RAD51B: variants seen among roughly 807,000 people sequenced by gnomAD.
The protein encoded by RAD51B is RAD51 paralog B, also known as DNA repair protein RAD51 homolog 2.
RAD51B carries 38 observed loss-of-function variants against 42.2 expected under a neutral mutation model. That is an observed-to-expected ratio of 0.90 (90% confidence interval 0.70 to 1.18). The LOEUF is 1.18. Ranked by LOEUF, RAD51B falls within the 50% of genes most tolerant of loss-of-function variation. The pLI is 0.00. For synonymous variants in RAD51B, 154 were observed against 145.2 expected (o/e 1.06, Z -0.43); for missense variants, 373 against 400.7 (o/e 0.93, Z 0.59).
intron 10 of RAD51B, among the ~76,000 whole-genome samples, chr14:68,504,356 C>T (rs1454413053): frequency 2.0e-5 from 3 of 152,230 alleles, no homozygotes; most frequent in Non-Finnish European, 2.9e-5. Flanking sequence ...TATAAATCCC[C>T]TCTTTGTTCA....
chr14:68,264,229 A>T (rs1047470696), intron 7 of RAD51B, among the ~76,000 whole-genome samples: 3 of 152,220 alleles, frequency 2.0e-5, no homozygotes, highest in African/African-American at 7.2e-5. Flanking sequence ...GCTGGTACTC[A>T]GGGGTAGGGT....
chr14:68,511,352 T>A (rs1661600193), intron 10 of RAD51B, among the ~76,000 whole-genome samples: 1 of 152,178 alleles, frequency 6.6e-6, no homozygotes, highest in Admixed American at 6.5e-5. Context: ...GGGAAACAGG[T>A]ACCAAATCCC....
intron 10 of RAD51B, among the ~76,000 whole-genome samples, chr14:68,560,037 C>A (rs1566937598): frequency 6.6e-6 from 1 of 152,142 alleles, no homozygotes; most frequent in Non-Finnish European, 1.5e-5. Flanking sequence ...TGCCACATAC[C>A]CAGCAGAGCT....
At chr14:68,389,769 G>A (rs756036105) in intron 8 of RAD51B, among the ~76,000 whole-genome samples, 12 of 152,142 alleles carry the variant, frequency 7.9e-5, no homozygotes, top group South Asian at 2.1e-4. Context: ...CATTTTGTCC[G>A]ATGTAGATTT....
At chr14:68,123,049 G>A (rs1011219999) in intron 7 of RAD51B, among the ~76,000 whole-genome samples, 2 of 152,144 alleles carry the variant, frequency 1.3e-5, no homozygotes, top group African/African-American at 4.8e-5. Context: ...GTTTTGCTGT[G>A]TGAGAAACAG....
At chr14:68,581,198 C>G (rs1296840491) in intron 10 of RAD51B, among the ~76,000 whole-genome samples, 5 of 152,052 alleles carry the variant, frequency 3.3e-5, no homozygotes, top group Non-Finnish European at 5.9e-5. Context: ...TATGATGGTG[C>G]AAAAGTGATA....
intron 7 of RAD51B, among the ~76,000 whole-genome samples, chr14:68,261,990 C>G (rs756831192): frequency 1.3e-5 from 2 of 151,156 alleles, no homozygotes; most frequent in Non-Finnish European, 3.0e-5. Flanking sequence ...CTAGTAAATG[C>G]AGGGCTCAAA....
rs145043038 is a variant in RAD51B at position 67,949,745 on chromosome 14, A to G, written c.756+62541A>G. ...TAGCATTACGAAATGTATGTCTTAA[A>G]TAGTGAAACTTGAAAGTTGAAATTA... On this transcript the variant is annotated intron_variant, in intron 7 of 10. Coordinates refer to ENST00000471583, the MANE Select transcript of RAD51B (RefSeq NM_133510.4). 9.2e-5 allele frequency among the ~76,000 whole-genome samples: 14 copies of G among 152,326 alleles called. No individual in the cohort carries two copies. The East Asian group carries it at 2.7e-3, about 29-fold the overall frequency.
At chr14:68,652,654 T>C (rs1174993438) in intron 11 of RAD51B, among the ~76,000 whole-genome samples, 1 of 152,250 alleles carries the variant, frequency 6.6e-6, no homozygotes, top group Non-Finnish European at 1.5e-5. Context: ...TTCCATTCAA[T>C]CACCTCCTGT....
At chr14:68,340,927 TA>T (rs770065383) in intron 8 of RAD51B, among the ~76,000 whole-genome samples, 2 of 152,226 alleles carry the variant, frequency 1.3e-5, no homozygotes, top group Non-Finnish European at 2.9e-5. Flanking sequence ...ATTTCATCCT[TA>T]TAGGTTAAGA....
chr14:68,171,287 A>G (rs1258105568), intron 7 of RAD51B, among the ~76,000 whole-genome samples: 2 of 150,998 alleles, frequency 1.3e-5, no homozygotes, highest in African/African-American at 2.4e-5. Context: ...ACAGCGTCCT[A>G]TTTTTTTTTG....
intron 7 of RAD51B, among the ~76,000 whole-genome samples, chr14:68,001,335 C>T (rs968922646): frequency 3.3e-5 from 5 of 151,922 alleles, no homozygotes; most frequent in African/African-American, 9.6e-5. Context: ...TCCTGATTTC[C>T]GGAGACTCCA....
intron 10 of RAD51B, among the ~76,000 whole-genome samples, chr14:68,476,132 A>T (rs1378643901): frequency 1.3e-5 from 2 of 152,134 alleles, no homozygotes; most frequent in Middle Eastern, 3.2e-3. Flanking sequence ...TCAAAAGCCA[A>T]CTGTGATACC....
At chr14:68,488,297 A>G (rs1250037710) in intron 10 of RAD51B, among the ~76,000 whole-genome samples, 1 of 151,220 alleles carries the variant, frequency 6.6e-6, no homozygotes. Flanking sequence ...GCCAGGTGCA[A>G]TAATAGGCAG....
chr14:68,361,320 T>C (rs1362578019), intron 8 of RAD51B, among the ~76,000 whole-genome samples: 1 of 152,178 alleles, frequency 6.6e-6, no homozygotes, highest in East Asian at 1.9e-4. Flanking sequence ...TGGACCAAAG[T>C]TAGAAGCCAG....
chr14:68,452,531 G>A (rs916837536), intron 9 of RAD51B, among the ~76,000 whole-genome samples: 2 of 152,144 alleles, frequency 1.3e-5, no homozygotes, highest in Non-Finnish European at 2.9e-5. Context: ...TTAGAAATAT[G>A]TACAGTTCTG....
intron 4 of RAD51B, among the ~76,000 whole-genome samples, chr14:67,861,037 T>TAAA (rs1374274287): frequency 6.6e-6 from 1 of 150,930 alleles, no homozygotes; most frequent in Non-Finnish European, 1.5e-5. Flanking sequence ...CTACAAAAAA[T>TAAA]AAAAAATTAC....
chr14:68,320,038 C>T (rs1198101000), intron 8 of RAD51B, among the ~76,000 whole-genome samples: 1 of 152,224 alleles, frequency 6.6e-6, no homozygotes, highest in African/African-American at 2.4e-5. Flanking sequence ...ATCAATCTGA[C>T]TCCAAAACCC....
chr14:68,200,561 G>A (rs2079462532), intron 7 of RAD51B, among the ~76,000 whole-genome samples: 1 of 152,200 alleles, frequency 6.6e-6, no homozygotes, highest in Non-Finnish European at 1.5e-5. Context: ...TTCCTTTTAT[G>A]AGCCTCAAAG....
Sources: allele counts gnomAD v4.1 joint callset (sites outside exome capture counted in the v4.1 genomes callset), GRCh38; gene constraint gnomAD v4.1.1; transcripts MANE v1.5; gene names NCBI Gene and HGNC (gene_info 2026-07-23, HGNC 2026-07-21).